The following POLB variants were observed in gnomAD, a reference collection of about 807,000 sequenced individuals.
POLB encodes the protein DNA polymerase beta, also known as 5'-dRP lyase.
POLB carries 37 observed loss-of-function variants against 52.7 expected under a neutral mutation model. The ratio of observed to expected loss-of-function variants is 0.70; its 90% CI spans 0.54 to 0.92. The LOEUF (loss-of-function observed/expected upper bound fraction) is 0.92. POLB is among the 40% of genes least tolerant of loss of function. The pLI, the probability that POLB is intolerant of heterozygous loss-of-function variation, is 0.00. For missense variants in POLB, 313 were observed against 400.8 expected (o/e 0.78, Z 1.87); for synonymous variants, 138 against 131.3 (o/e 1.05, Z -0.35).
chr8:42,352,598 G>A (rs748499658), intron 6 of POLB, 30 bp downstream of exon 6: 1 of 1,336,730 alleles, frequency 7.5e-7, no homozygotes, highest in African/African-American at 1.4e-5. Flanking sequence ...ACTAATTCCA[G>A]ATTAAATATG....
intron 9 of POLB, among the ~76,000 whole-genome samples, chr8:42,360,749 TAAAA>T (rs540293292): frequency 1.4e-5 from 2 of 142,696 alleles, no homozygotes; most frequent in Non-Finnish European, 3.1e-5. Flanking sequence ...GTTTTCTTTT[TAAAA>T]AAAAAAAAAA....
At chr8:42,338,876 G>C (rs1822017924) in intron 1 of POLB, 136 bp from the exon 2 acceptor site, 1 of 942,734 alleles carries the variant, frequency 1.1e-6, no homozygotes, top group Admixed American at 2.0e-5. Flanking sequence ...GCCATCGCTT[G>C]GGCTGCTTTT....
intron 9 of POLB, 54 bp from the exon 10 acceptor site, chr8:42,361,241 G>A: frequency 7.8e-7 from 1 of 1,276,934 alleles, no homozygotes; most frequent in Non-Finnish European, 1.1e-6. Flanking sequence ...GGTTCCATTT[G>A]CCCAATTGAT....
chr8:42,341,858 T>C, intron 2 of POLB: 1 of 588,900 alleles, frequency 1.7e-6, no homozygotes, highest in Non-Finnish European at 3.2e-6. Flanking sequence ...CATTTTGGGA[T>C]GGTTCCACCT....
At chr8:42,343,360 A>ATG (rs1563390035) in intron 2 of POLB, among the ~76,000 whole-genome samples, 3 of 50,026 alleles carry the variant, frequency 6.0e-5, no homozygotes, top group Non-Finnish European at 2.3e-4. Flanking sequence ...ATATATATAT[A>ATG]TATATATATA....
rs1222128869 is a variant in POLB at position 42,355,533 on chromosome 8, G to T, written c.388G>T (p.Asp130Tyr). ...KTLEDLRKNE[D>Y]KLNHHQRIGL... The stretch of plus-strand genomic sequence containing the variant: ...CTATACAGATCTCAGAAAAAATGAA[G>T]ATAAATTGAACCATCATCAGCGAAT... The change falls in exon 7 of 14, where the codon GAT becomes TAT. Residue 130 changes from aspartate to tyrosine, a missense_variant. By Grantham distance (160) the Asp-to-Tyr change is radical. Around this residue, in one of 3 missense-constraint regions of POLB, gnomAD observed 246 missense variants for 297.6 expected, o/e 0.83. Coordinates refer to ENST00000265421, the MANE Select transcript of POLB (RefSeq NM_002690.3). The T allele has an allele frequency of 1.3e-6, 2 of 1,587,986 alleles. No individual in the cohort carries two copies. Among genetic ancestry groups the T allele is most frequent in the East Asian group, 4.5e-5 (2 of 44,728 alleles).
intron 13 of POLB, 96 bp downstream of exon 13, chr8:42,370,084 C>A (rs1227855330): frequency 6.6e-6 from 6 of 903,300 alleles, no homozygotes; most frequent in Non-Finnish European, 1.1e-5. Flanking sequence ...AATAACTATG[C>A]CAGTTAGTGT....
intron 3 of POLB, among the ~76,000 whole-genome samples, chr8:42,347,312 A>T (rs1258882530): frequency 7.4e-6 from 1 of 134,882 alleles, no homozygotes; most frequent in South Asian, 2.4e-4. Context: ...TCTAGAAATT[A>T]TTCTAGAATT....
intron 10 of POLB, 63 bp downstream of exon 10, chr8:42,361,428 G>T: frequency 9.2e-7 from 1 of 1,092,044 alleles, no homozygotes; most frequent in Non-Finnish European, 1.4e-6. Context: ...CACTTTTTAA[G>T]TGATAGTTGG....
intron 13 of POLB, 86 bp from the exon 14 acceptor site, chr8:42,371,477 G>A: frequency 1.7e-6 from 1 of 584,348 alleles, no homozygotes; most frequent in South Asian, 3.1e-5. Flanking sequence ...CTGAAAGCAA[G>A]TCCCACACAG....
At chr8:42,367,510 G>A (rs1824118449) in intron 11 of POLB, among the ~76,000 whole-genome samples, 1 of 152,210 alleles carries the variant, frequency 6.6e-6, no homozygotes, top group South Asian at 2.1e-4. Context: ...GAGAGCTCTA[G>A]GCTTCTAAAA....
rs748704177 is a variant in POLB at position 42,342,407 on chromosome 8, C to T, written c.120-2546C>T. On this transcript the variant is annotated intron_variant, in intron 2 of 13. Coordinates refer to ENST00000265421, the MANE Select transcript of POLB (RefSeq NM_002690.3). ...TTTGGCAGTTCGTGTGCATATGCTG[C>T]GCAGACTATCATATCCCCCTCTATA... The T allele has an allele frequency of 1.1e-5, 16 of 1,440,974 alleles. No individual in the cohort carries two copies. The South Asian group carries it at 1.4e-4, about 12-fold the overall frequency. The allele number at this position is 1,440,974 out of a possible 1,614,324, so 89.3% of individuals were successfully genotyped here. A position where few individuals can be genotyped will look rare whatever the true frequency, so the allele number is the denominator to read the frequency against.
At chr8:42,358,646 C>G (rs1267093065) in intron 9 of POLB, among the ~76,000 whole-genome samples, 1 of 152,106 alleles carries the variant, frequency 6.6e-6, no homozygotes, top group Non-Finnish European at 1.5e-5. Flanking sequence ...AGGTGATGGC[C>G]TATCAGGAAT....
intron 6 of POLB, among the ~76,000 whole-genome samples, chr8:42,353,394 C>CA (rs1345172474): frequency 6.6e-6 from 1 of 151,876 alleles, no homozygotes; most frequent in Non-Finnish European, 1.5e-5. Flanking sequence ...AGGCGTGAGC[C>CA]ACCGCGCCTG....
intron 6 of POLB, chr8:42,354,288 C>T (rs1823164080): frequency 2.7e-6 from 1 of 377,030 alleles, no homozygotes; most frequent in Non-Finnish European, 5.2e-6. Context: ...ATTAAGTGCT[C>T]TATATTTCAT....
At chr8:42,369,056 A>G (rs1176357720) in intron 11 of POLB, 1 of 369,056 alleles carries the variant, frequency 2.7e-6, no homozygotes, top group Non-Finnish European at 4.9e-6. Flanking sequence ...CATAATGAGA[A>G]TCCTTATTTG....
At position 42,347,696 on chromosome 8, in the gene POLB, T is replaced by C. The variant is rs186783671; in HGVS notation, c.187-1320T>C. ...AAAATAATTACCCTTTAAAAAAATA[T>C]TGTGATACAGGAAATGAGCCTGAGC... On this transcript the variant is annotated intron_variant, in intron 3 of 13. Transcript: ENST00000265421. Among the ~76,000 whole-genome samples the C allele has an allele frequency of 2.0e-4, 31 of 152,260 alleles. No individual in the cohort carries two copies. The East Asian group carries it at 5.4e-3, about 27-fold the overall frequency.
At chr8:42,354,961 A>G (rs189488070) in intron 6 of POLB, among the ~76,000 whole-genome samples, 4 of 152,350 alleles carry the variant, frequency 2.6e-5, no homozygotes, top group Admixed American at 2.6e-4. Context: ...TTCAGAAGTT[A>G]TGGTTACTAC....
At chr8:42,343,652 A>G (rs952970630) in intron 2 of POLB, among the ~76,000 whole-genome samples, 10 of 151,976 alleles carry the variant, frequency 6.6e-5, no homozygotes, top group Non-Finnish European at 8.8e-5. Flanking sequence ...GATGATTTCT[A>G]CTTACTCCCA....
Sources: allele counts gnomAD v4.1 joint callset (sites outside exome capture counted in the v4.1 genomes callset), GRCh38; gene constraint gnomAD v4.1.1; regional missense constraint gnomAD v4.1.1; transcripts MANE v1.5; gene names NCBI Gene and HGNC (gene_info 2026-07-23, HGNC 2026-07-21).